The following SAMD12 variants were observed in gnomAD, a reference collection of about 807,000 sequenced individuals.
The protein encoded by SAMD12 is sterile alpha motif domain containing 12, also known as sterile alpha motif domain-containing protein 12.
Under a neutral mutation model 15.0 loss-of-function variants are expected in SAMD12, and 9 were observed. The observed-to-expected ratio is 0.60, with a 90% CI of 0.36 to 1.05. The LOEUF (loss-of-function observed/expected upper bound fraction) is 1.05. Among genes scored for constraint, SAMD12 ranks in the 50% least tolerant of loss-of-function variants. The pLI is 0.01. For missense variants in SAMD12, 230 were observed against 234.2 expected (o/e 0.98, Z 0.12); for synonymous variants, 86 against 90.1 (o/e 0.96, Z 0.25).
chr8:118,585,330 C>T (rs1393928638), intron 1 of SAMD12, among the ~76,000 whole-genome samples: 1 of 152,114 alleles, frequency 6.6e-6, no homozygotes, highest in Non-Finnish European at 1.5e-5. Flanking sequence ...TATAGTGTTT[C>T]ACTTTGGGAT....
chr8:118,447,206 G>T (rs970225600), intron 2 of SAMD12, among the ~76,000 whole-genome samples: 1 of 152,020 alleles, frequency 6.6e-6, no homozygotes, highest in African/African-American at 2.4e-5. Context: ...ATCCTGATTG[G>T]AAACACTGTC....
the SAMD12 span, among the ~76,000 whole-genome samples, chr8:118,166,818 T>A: frequency 6.6e-6 from 1 of 152,066 alleles, no homozygotes; most frequent in African/African-American, 2.4e-5. Flanking sequence ...TCTCTCCTTG[T>A]GCATGACTTA....
intron 2 of SAMD12, among the ~76,000 whole-genome samples, chr8:118,456,936 A>C (rs757641353): frequency 1.3e-5 from 2 of 152,162 alleles, no homozygotes; most frequent in Non-Finnish European, 2.9e-5. Flanking sequence ...CTAGGTTTGC[A>C]GCTTGGTTTT....
At chr8:118,273,222 A>T (rs986055676) in intron 4 of SAMD12, among the ~76,000 whole-genome samples, 4 of 152,192 alleles carry the variant, frequency 2.6e-5, no homozygotes, top group Non-Finnish European at 4.4e-5. Context: ...CCTTCTTCAC[A>T]TGGTGGTAGC....
chr8:118,133,143 C>G, the SAMD12 span, among the ~76,000 whole-genome samples: 2 of 150,358 alleles, frequency 1.3e-5, no homozygotes, highest in Non-Finnish European at 3.0e-5. Context: ...ATTATATTTT[C>G]TCTGTTTTAT....
At chr8:118,226,088 G>A (rs1020297065) in intron 4 of SAMD12, among the ~76,000 whole-genome samples, 1 of 152,176 alleles carries the variant, frequency 6.6e-6, no homozygotes, top group African/African-American at 2.4e-5. Context: ...ACTGTCCGAA[G>A]TGCTGGTGCA....
the SAMD12 span, among the ~76,000 whole-genome samples, chr8:118,167,825 T>C: frequency 4.6e-5 from 7 of 152,052 alleles, 1 homozygote; most frequent in Non-Finnish European, 8.8e-5. Context: ...TCTGGCCCAC[T>C]ATAATGAGCA....
At chr8:118,400,724 CA>C (rs1176296150) in intron 3 of SAMD12, 2 of 152,130 alleles carry the variant, frequency 1.3e-5, no homozygotes, top group African/African-American at 4.8e-5. Context: ...TCAGCTACAA[CA>C]ATCTGTAAAT....
the SAMD12 span, among the ~76,000 whole-genome samples, chr8:118,132,072 A>T: frequency 2.0e-5 from 3 of 152,202 alleles, no homozygotes; most frequent in Non-Finnish European, 4.4e-5. Flanking sequence ...TTCCATTCAT[A>T]TCTTTGTATT....
chr8:118,393,839 T>C (rs1372790094), intron 3 of SAMD12, among the ~76,000 whole-genome samples: 1 of 151,836 alleles, frequency 6.6e-6, no homozygotes, highest in Non-Finnish European at 1.5e-5. Flanking sequence ...TCACCTCAGG[T>C]GATCCACCTG....
chr8:118,197,698 G>A (rs769421361), exon 5 of SAMD12: 1 of 1,612,242 alleles, frequency 6.2e-7, no homozygotes, highest in East Asian at 2.2e-5. Flanking sequence ...CAGCTTGGAA[G>A]GCTAACCGTG....
the SAMD12 span, among the ~76,000 whole-genome samples, chr8:118,146,822 G>T: frequency 2.0e-5 from 3 of 152,178 alleles, no homozygotes; most frequent in African/African-American, 7.2e-5. Context: ...TTCTAACTTA[G>T]AGGGAAGGAT....
intron 3 of SAMD12, among the ~76,000 whole-genome samples, chr8:118,386,480 A>T (rs1819965553): frequency 6.6e-6 from 1 of 152,184 alleles, no homozygotes; most frequent in Admixed American, 6.5e-5. Context: ...TACATCTGCA[A>T]AGACCCTTTG....
chr8:118,428,414 G>GAAAAGA (rs138954900), intron 3 of SAMD12, among the ~76,000 whole-genome samples: 1 of 149,834 alleles, frequency 6.7e-6, no homozygotes. Flanking sequence ...CAATAACAAA[G>GAAAAGA]AAAGAAAAGA....
At chr8:118,142,658 C>T in the SAMD12 span, among the ~76,000 whole-genome samples, 1 of 152,202 alleles carries the variant, frequency 6.6e-6, no homozygotes, top group African/African-American at 2.4e-5. Flanking sequence ...CCTACATTGG[C>T]CCTCACAATA....
chr8:118,497,730 G>A (rs540749893), intron 2 of SAMD12, among the ~76,000 whole-genome samples: 18 of 114,446 alleles, frequency 1.6e-4, no homozygotes, highest in Admixed American at 6.0e-4. Flanking sequence ...TTGCGGGGGG[G>A]GGTGGGGGGA....
intron 2 of SAMD12, among the ~76,000 whole-genome samples, chr8:118,441,646 A>G (rs1318738349): frequency 6.6e-6 from 1 of 152,198 alleles, no homozygotes; most frequent in Non-Finnish European, 1.5e-5. Context: ...ATATAGACAT[A>G]TATACATACA....
chr8:118,361,793 A>T (rs1007274901), intron 4 of SAMD12, among the ~76,000 whole-genome samples: 1 of 152,222 alleles, frequency 6.6e-6, no homozygotes, highest in Non-Finnish European at 1.5e-5. Flanking sequence ...TAGTACTTAT[A>T]CAGGGTGGAG....
At chr8:118,255,598 T>C (rs1812919222) in intron 4 of SAMD12, among the ~76,000 whole-genome samples, 1 of 146,702 alleles carries the variant, frequency 6.8e-6, no homozygotes, top group Admixed American at 7.0e-5. Context: ...AGTGAGAACA[T>C]GTGGTGTTTG....
Sources: gnomAD v4.1 joint callset for allele counts (sites outside exome capture counted in the v4.1 genomes callset) on GRCh38, gnomAD v4.1.1 for gene constraint, MANE v1.5 for transcripts, NCBI Gene and HGNC (gene_info 2026-07-23, HGNC 2026-07-21) for gene names.